Variants in POLI observed in about 807,000 individuals in gnomAD.
POLI encodes RAD30 homolog B.
Under a neutral mutation model 51.6 loss-of-function variants are expected in POLI, and 58 were observed. The observed-to-expected ratio is 1.12, with a 90% confidence interval of 0.91 to 1.40. POLI has a LOEUF of 1.40. POLI is among the 40% of genes most tolerant of loss of function. The pLI is 0.00. For synonymous variants in POLI, 322 were observed against 299.7 expected (o/e 1.07, Z -0.77); for missense variants, 921 against 871.3 (o/e 1.06, Z -0.72).
chr18:54,270,050 G>A (rs766467499), intron 1 of POLI: 5 of 1,000,230 alleles, frequency 5.0e-6, no homozygotes, highest in Non-Finnish European at 6.0e-6. Flanking sequence ...CCGGATCTCA[G>A]TCCTGGCAGG....
intron 9 of POLI, among the ~76,000 whole-genome samples, 195 bp from the exon 10 acceptor site, chr18:54,293,454 T>C (rs979488463): frequency 6.7e-6 from 1 of 149,878 alleles, no homozygotes; most frequent in Non-Finnish European, 1.5e-5. Context: ...CTTCCTGGAA[T>C]AGTGGGTAGA....
At chr18:54,288,208 T>C (rs3730780) in intron 8 of POLI, among the ~76,000 whole-genome samples, 268 of 152,328 alleles carry the variant, frequency 1.8e-3, no homozygotes, top group East Asian at 0.012. Context: ...TATCAGTCTC[T>C]TTGATTATAG....
At chr18:54,282,721 A>G in intron 5 of POLI, 116 bp from the exon 6 acceptor site, 1 of 613,050 alleles carries the variant, frequency 1.6e-6, no homozygotes, top group Non-Finnish European at 2.7e-6. Context: ...ATAAGGGGGG[A>G]CTACTGTATA....
At chr18:54,314,507 CCCT>C (rs2088707379) in intron 3 of POLI, among the ~76,000 whole-genome samples, 1 of 151,972 alleles carries the variant, frequency 6.6e-6, no homozygotes, top group South Asian at 2.1e-4. Flanking sequence ...AGTGGGGAGT[CCCT>C]CCTCCTCAGT....
At chr18:54,318,497 C>CGTT (rs111595312) in intron 3 of POLI, among the ~76,000 whole-genome samples, 10,939 of 152,062 alleles carry the variant, frequency 0.072, 473 homozygotes, top group African/African-American at 0.1. Context: ...ACTATATTGT[C>CGTT]GTTTACTTTT....
chr18:54,302,805 C>T (rs2088515662), downstream of POLI, among the ~76,000 whole-genome samples: 1 of 152,196 alleles, frequency 6.6e-6, no homozygotes, highest in South Asian at 2.1e-4. Flanking sequence ...AACCATCCTT[C>T]TACTCTATCT....
chr18:54,274,252 T>G (rs545299333), intron 3 of POLI, among the ~76,000 whole-genome samples, 162 bp downstream of exon 3: 41 of 152,250 alleles, frequency 2.7e-4, no homozygotes, highest in African/African-American at 8.9e-4. Context: ...TGTGAAAGGA[T>G]AACTGTATGC....
chr18:54,292,195 T>C (rs3730811), intron 9 of POLI, among the ~76,000 whole-genome samples, 157 bp downstream of exon 9: 57 of 152,268 alleles, frequency 3.7e-4, no homozygotes, highest in African/African-American at 1.1e-3. Context: ...ACCTATCTTA[T>C]GGTTTCTGGC....
chr18:54,311,361 A>T (rs973893676), intron 3 of POLI, among the ~76,000 whole-genome samples: 5 of 152,148 alleles, frequency 3.3e-5, no homozygotes, highest in African/African-American at 1.2e-4. Context: ...ATGAAGAAAC[A>T]TGGCTTCTGC....
chr18:54,282,241 G>A (rs2087532776), intron 5 of POLI, among the ~76,000 whole-genome samples: 1 of 152,066 alleles, frequency 6.6e-6, no homozygotes, highest in Non-Finnish European at 1.5e-5. Context: ...TTACATAACA[G>A]GTGGTAAAAT....
chr18:54,314,650 G>T (rs909109089), intron 3 of POLI, among the ~76,000 whole-genome samples: 4 of 152,016 alleles, frequency 2.6e-5, no homozygotes, highest in Admixed American at 6.6e-5. Context: ...GGACTCATTA[G>T]TGGTCAGTTC....
At chr18:54,270,002 G>A in intron 1 of POLI, 2 of 1,051,910 alleles carry the variant, frequency 1.9e-6, no homozygotes, top group Non-Finnish European at 2.3e-6. Context: ...CTTTGGAGAA[G>A]TTGAGGACCT....
chr18:54,319,102 A>G (rs2088766089), intron 3 of POLI, among the ~76,000 whole-genome samples: 1 of 152,176 alleles, frequency 6.6e-6, no homozygotes, highest in Admixed American at 6.5e-5. Context: ...CACCAGAAAG[A>G]CAAATGCTAT....
chr18:54,290,649 A>G (rs1290434748), intron 8 of POLI, among the ~76,000 whole-genome samples: 4 of 152,236 alleles, frequency 2.6e-5, no homozygotes, highest in South Asian at 2.1e-4. Flanking sequence ...CTATGCAGCC[A>G]TAAAAAAGGA....
intron 3 of POLI, among the ~76,000 whole-genome samples, chr18:54,275,357 A>C (rs1028482507): frequency 7.7e-6 from 1 of 129,314 alleles, no homozygotes; most frequent in East Asian, 3.6e-4. Flanking sequence ...CAAGTACATA[A>C]AGACATATGT....
At chr18:54,290,352 G>C (rs2087947598) in intron 8 of POLI, among the ~76,000 whole-genome samples, 1 of 152,202 alleles carries the variant, frequency 6.6e-6, no homozygotes. Context: ...AGGATGTGGA[G>C]AAATAGGAAC....
chr18:54,310,119 A>G (rs2088651251), intron 3 of POLI, among the ~76,000 whole-genome samples: 1 of 152,170 alleles, frequency 6.6e-6, no homozygotes, highest in African/African-American at 2.4e-5. Context: ...TCCCAGTGAG[A>G]TGAACCAGGT....
Position 54,280,917 on chromosome 18 carries a change from A to G in POLI, c.796+14A>G. ...AGGAAATACCTGGTAAGACAAATAT[A>G]TTTGAAAAGTACATATACGTCTTAT... On this transcript the variant is annotated intron_variant, in intron 5 of 9. Transcript: ENST00000579534. 1 of 1,364,480 alleles carries G rather than the reference A, an allele frequency of 7.3e-7. No individual in the cohort carries two copies. Among genetic ancestry groups the G allele is most frequent in the Non-Finnish European group, 1.0e-6 (1 of 955,632 alleles). The allele number at this position is 1,364,480 out of a possible 1,614,324, so 84.5% of individuals were successfully genotyped here.
chr18:54,305,153 T>A (rs1209350913), intron 3 of POLI, among the ~76,000 whole-genome samples: 1 of 152,230 alleles, frequency 6.6e-6, no homozygotes, highest in Non-Finnish European at 1.5e-5. Flanking sequence ...CATGCTGTTT[T>A]GGTTACTGTA....
Sources: allele counts gnomAD v4.1 joint callset (sites outside exome capture counted in the v4.1 genomes callset), GRCh38; gene constraint gnomAD v4.1.1; transcripts MANE v1.5; gene names NCBI Gene and HGNC (gene_info 2026-07-23, HGNC 2026-07-21).